Variants in TTLL11 observed in about 807,000 individuals in gnomAD.
TTLL11 encodes tubulin tyrosine ligase like 11.
In TTLL11, 42 loss-of-function variants were observed where a neutral mutation model predicts 51.7. The observed-to-expected ratio is 0.81, with a 90% CI of 0.64 to 1.05. TTLL11 has a LOEUF of 1.05. Ranked by LOEUF, TTLL11 falls within the 50% of genes least tolerant of loss-of-function variation. The pLI, the probability that TTLL11 is intolerant of heterozygous loss-of-function variation, is 0.00. For missense variants in TTLL11, 799 were observed against 940.4 expected, an observed-to-expected ratio of 0.85 and a Z score of 1.97; for synonymous variants, 381 against 383.5, an observed-to-expected ratio of 0.99 and a Z score of 0.08.
chr9:122,079,206 G>C (rs142744779), intron 1 of TTLL11, among the ~76,000 whole-genome samples: 1 of 151,960 alleles, frequency 6.6e-6, no homozygotes, highest in African/African-American at 2.4e-5. Context: ...GTGTATGAGG[G>C]TTCCAATTTC....
rs10818616 is a variant in TTLL11 at position 121,995,258 on chromosome 9, C to T, written c.694-5488G>A. 0.42 allele frequency among the ~76,000 whole-genome samples: 63,453 copies of T among 152,048 alleles called. 14,824 individuals are homozygous for T. The highest frequency in any genetic ancestry group is 0.63 in the African/African-American group (26,115 of 41,466). The stretch of plus-strand genomic sequence containing the variant: ...ACGGGCAGAACAGACCCCAAACACC[C>T]TGTATTTATACTCGATCTGCAGGCG... On this transcript the variant is annotated intron_variant, in intron 3 of 8. Coordinates refer to ENST00000321582, the MANE Select transcript of TTLL11 (RefSeq NM_001139442.2). The surrounding 1 kb of genome is among the most constrained non-coding windows in gnomAD (Gnocchi z 4.4).
intron 4 of TTLL11, among the ~76,000 whole-genome samples, chr9:121,988,484 G>A (rs577011573): frequency 1.3e-5 from 2 of 151,008 alleles, no homozygotes; most frequent in African/African-American, 4.9e-5. Flanking sequence ...CTCTTCCAGT[G>A]CCTCCTGCTT....
At chr9:122,048,705 G>A (rs920303430) in intron 1 of TTLL11, among the ~76,000 whole-genome samples, 4 of 152,136 alleles carry the variant, frequency 2.6e-5, no homozygotes, top group African/African-American at 9.7e-5. Context: ...TTATTATTTA[G>A]TGGCCTGGGT....
intron 8 of TTLL11, among the ~76,000 whole-genome samples, chr9:121,851,096 G>A (rs904347479): frequency 6.6e-6 from 1 of 152,188 alleles, no homozygotes; most frequent in African/African-American, 2.4e-5. Flanking sequence ...GTCTGAAAAG[G>A]CTAGATACGA....
chr9:121,859,404 G>A (rs1368532109), intron 8 of TTLL11, among the ~76,000 whole-genome samples: 1 of 152,124 alleles, frequency 6.6e-6, no homozygotes, highest in Non-Finnish European at 1.5e-5. Flanking sequence ...GGGAGGCTGA[G>A]GCAGGATAAC....
At chr9:122,070,827 G>A (rs949075942) in intron 1 of TTLL11, among the ~76,000 whole-genome samples, 1 of 152,184 alleles carries the variant, frequency 6.6e-6, no homozygotes, top group Non-Finnish European at 1.5e-5. Flanking sequence ...TTCGGGCGGT[G>A]TATGGTGTAC....
intron 6 of TTLL11, among the ~76,000 whole-genome samples, chr9:121,962,313 T>C (rs1370044269): frequency 6.6e-6 from 1 of 152,144 alleles, no homozygotes. Context: ...GCAGCATCTG[T>C]CTTCTCCACC....
intron 6 of TTLL11, among the ~76,000 whole-genome samples, chr9:121,893,850 A>G (rs967627577): frequency 2.0e-5 from 3 of 152,216 alleles, no homozygotes; most frequent in East Asian, 1.9e-4. Flanking sequence ...GTGCATACAG[A>G]TATCTGGAAA....
intron 6 of TTLL11, among the ~76,000 whole-genome samples, chr9:121,969,794 C>A (rs931871146): frequency 5.3e-5 from 8 of 152,158 alleles, no homozygotes; most frequent in African/African-American, 1.7e-4. Context: ...GTTGGAGTGA[C>A]ATAGTCTCAG....
intron 1 of TTLL11, among the ~76,000 whole-genome samples, chr9:122,074,630 T>C (rs1358182745): frequency 6.6e-6 from 1 of 151,244 alleles, no homozygotes; most frequent in Admixed American, 6.6e-5. Context: ...TGCTGGGCAT[T>C]GTGGCTCACA....
intron 8 of TTLL11, among the ~76,000 whole-genome samples, chr9:121,827,025 G>A (rs1836832026): frequency 3.3e-5 from 5 of 152,150 alleles, no homozygotes; most frequent in African/African-American, 1.2e-4. Flanking sequence ...GCCATTGGGA[G>A]CCCCTGCAGG....
intron 6 of TTLL11, among the ~76,000 whole-genome samples, chr9:121,906,344 TAAA>T (rs10573918): frequency 0.17 from 25,627 of 151,594 alleles, 3,929 homozygotes; most frequent in African/African-American, 0.4. Flanking sequence ...TAATAATTTT[TAAA>T]AAAAAAAAAA....
chr9:121,831,945 T>TG (rs2119125383), intron 8 of TTLL11, among the ~76,000 whole-genome samples: 1 of 152,262 alleles, frequency 6.6e-6, no homozygotes, highest in South Asian at 2.1e-4. Context: ...AGCACGGTCA[T>TG]GTTCTGGTAA....
chr9:122,013,998 A>G (rs1276042353), intron 3 of TTLL11, among the ~76,000 whole-genome samples: 1 of 152,182 alleles, frequency 6.6e-6, no homozygotes, highest in African/African-American at 2.4e-5. Flanking sequence ...GAGGCACTGA[A>G]GAAGCCTTGG....
chr9:121,878,178 G>A (rs986024019), intron 6 of TTLL11, among the ~76,000 whole-genome samples: 2 of 152,158 alleles, frequency 1.3e-5, no homozygotes, highest in Non-Finnish European at 1.5e-5. Context: ...GCTCTGTGGG[G>A]TGGCGTGAGG....
At chr9:121,847,424 A>G (rs1588066823) in intron 8 of TTLL11, among the ~76,000 whole-genome samples, 1 of 152,272 alleles carries the variant, frequency 6.6e-6, no homozygotes, top group East Asian at 1.9e-4. Flanking sequence ...TAGATTACTA[A>G]TTAGTAATTA....
At chr9:122,092,079 T>C (rs1434685361) in intron 1 of TTLL11, among the ~76,000 whole-genome samples, 1 of 152,198 alleles carries the variant, frequency 6.6e-6, no homozygotes, top group Non-Finnish European at 1.5e-5. Flanking sequence ...AGTTACCATT[T>C]ATTGCAGACT....
At chr9:121,895,666 TG>T (rs1839457243) in intron 6 of TTLL11, among the ~76,000 whole-genome samples, 1 of 65,488 alleles carries the variant, frequency 1.5e-5, no homozygotes, top group Non-Finnish European at 3.3e-5. Context: ...TGTGGTTGTG[TG>T]TGTTTATGTG....
At chr9:122,028,173 A>G (rs989318759) in intron 3 of TTLL11, among the ~76,000 whole-genome samples, 1 of 152,228 alleles carries the variant, frequency 6.6e-6, no homozygotes, top group Non-Finnish European at 1.5e-5. Context: ...GATAAAATAA[A>G]ACACTAAAAA....
Sources: gnomAD v4.1 joint callset for allele counts (sites outside exome capture counted in the v4.1 genomes callset) on GRCh38, gnomAD v4.1.1 for gene constraint, Gnocchi (gnomAD v3.1) non-coding constraint, MANE v1.5 for transcripts, NCBI Gene and HGNC (gene_info 2026-07-23, HGNC 2026-07-21) for gene names.